RIMBP2: variants seen among roughly 807,000 people sequenced by gnomAD.
The protein encoded by RIMBP2 is RIMS binding protein 2.
In RIMBP2, 48 loss-of-function variants were observed where a neutral mutation model predicts 118.6. The ratio of observed to expected loss-of-function variants is 0.40; its 90% CI spans 0.32 to 0.51. RIMBP2 has a LOEUF of 0.51. Among genes scored for constraint, RIMBP2 ranks in the 20% least tolerant of loss-of-function variants. RIMBP2 has a pLI of 0.41. For missense variants in RIMBP2, 1,551 were observed against 1,768.3 expected (o/e 0.88, Z 2.20); for synonymous variants, 762 against 742.9 (o/e 1.03, Z -0.42).
chr12:130,679,593 G>A (rs1280360388), intron 1 of RIMBP2, among the ~76,000 whole-genome samples: 1 of 152,172 alleles, frequency 6.6e-6, no homozygotes, highest in African/African-American at 2.4e-5. Flanking sequence ...TGCAGGTGCG[G>A]GCGCATTCGC....
chr12:130,613,192 G>A (rs1478320845), intron 2 of RIMBP2, among the ~76,000 whole-genome samples: 3 of 152,248 alleles, frequency 2.0e-5, no homozygotes, highest in Non-Finnish European at 2.9e-5. Context: ...GGGATGGGAC[G>A]GAGGGAGAGT....
chr12:130,696,610 T>C (rs550770726), intron 1 of RIMBP2, among the ~76,000 whole-genome samples: 67 of 152,362 alleles, frequency 4.4e-4, no homozygotes, highest in Admixed American at 2.5e-3. Context: ...AAGCGATCAC[T>C]GTGAACATTG....
intron 2 of RIMBP2, among the ~76,000 whole-genome samples, chr12:130,563,813 G>A (rs564750476): frequency 2.1e-4 from 32 of 152,260 alleles, no homozygotes; most frequent in South Asian, 1.9e-3. Flanking sequence ...CAGCTAGAGC[G>A]ATCCTTTTGA....
intron 1 of RIMBP2, among the ~76,000 whole-genome samples, chr12:130,653,558 T>C (rs980577025): frequency 1.3e-5 from 2 of 152,146 alleles, no homozygotes; most frequent in African/African-American, 4.8e-5. Flanking sequence ...AGGGTGACCC[T>C]CTTCTCACCA....
intron 1 of RIMBP2, among the ~76,000 whole-genome samples, chr12:130,628,896 C>T (rs1000231350): frequency 2.0e-5 from 3 of 152,094 alleles, no homozygotes; most frequent in Non-Finnish European, 1.5e-5. Context: ...GACTGATGCC[C>T]AGCCGATGAC....
chr12:130,456,807 C>T (rs777847020), intron 6 of RIMBP2, 107 bp from the exon 7 acceptor site: 39 of 776,360 alleles, frequency 5.0e-5, no homozygotes, highest in African/African-American at 1.4e-4. Flanking sequence ...ACTGTGTGCA[C>T]GTGTGTACAC....
intron 1 of RIMBP2, among the ~76,000 whole-genome samples, chr12:130,675,947 C>T (rs907819394): frequency 4.6e-5 from 7 of 152,322 alleles, no homozygotes; most frequent in African/African-American, 1.2e-4. Context: ...TAGGACGCCA[C>T]GAGAGCTAGA....
chr12:130,472,878 T>C (rs1566100094), intron 5 of RIMBP2, among the ~76,000 whole-genome samples: 2 of 152,164 alleles, frequency 1.3e-5, no homozygotes, highest in South Asian at 4.1e-4. Flanking sequence ...AATTACACCA[T>C]TCTCAAGTTC....
chr12:130,573,479 A>G (rs2057850978), intron 2 of RIMBP2, among the ~76,000 whole-genome samples: 1 of 151,944 alleles, frequency 6.6e-6, no homozygotes, highest in Non-Finnish European at 1.5e-5. Context: ...TGCAAGTGTG[A>G]GGTGCGTGTG....
chr12:130,479,736 A>G (rs1167033576), intron 4 of RIMBP2, among the ~76,000 whole-genome samples: 1 of 151,976 alleles, frequency 6.6e-6, no homozygotes, highest in Non-Finnish European at 1.5e-5. Flanking sequence ...CCTCTGGGAA[A>G]GTCGCAAGGT....
intron 4 of RIMBP2, among the ~76,000 whole-genome samples, chr12:130,501,004 G>T (rs957739964): frequency 1.3e-5 from 2 of 152,240 alleles, no homozygotes; most frequent in Middle Eastern, 3.4e-3. Flanking sequence ...GCATCCAGGG[G>T]TCACGACACA....
chr12:130,651,844 A>G (rs1252428514), intron 1 of RIMBP2, among the ~76,000 whole-genome samples: 1 of 152,202 alleles, frequency 6.6e-6, no homozygotes, highest in Non-Finnish European at 1.5e-5. Context: ...CCTGTGTCTT[A>G]GCAGTTATCA....
chr12:130,533,354 GAT>G (rs1458640875), intron 2 of RIMBP2, among the ~76,000 whole-genome samples: 3 of 152,172 alleles, frequency 2.0e-5, no homozygotes, highest in Non-Finnish European at 4.4e-5. Context: ...ACCACAATGA[GAT>G]ATCTTCTTAC....
rs755282733 is a variant in RIMBP2, at chr12:130,437,147, C to G, written c.1801G>C (p.Glu601Gln). 78 of 1,583,814 alleles carry G rather than the reference C, an allele frequency of 4.9e-5. No individual in the cohort carries two copies. The South Asian group carries it at 7.9e-4, about 16-fold the overall frequency. ...VDSAVAAVPPELLVPPTPHPR... is the reference protein window; with the variant it reads ...VDSAVAAVPPQLLVPPTPHPR... ...TGGGGGGTAGGAGGCACCAGGAGCT[C>G]GGGGGGAACGGCAGCAACTGCAGAG... Residue 601 changes from glutamate (E) to glutamine (Q), a missense_variant, in exon 13 of 23, where the codon GAG becomes CAG. Coordinates refer to ENST00000690449, the MANE Select transcript of RIMBP2 (RefSeq NM_001393629.1).
chr12:130,424,409 CG>C lies in RIMBP2; in HGVS notation c.2861del (p.Pro954ArgfsTer11), dbSNP rs1593245171. 1 of 1,232,746 alleles carries C rather than the reference CG, an allele frequency of 8.1e-7. No individual in the cohort carries two copies. The highest frequency in any genetic ancestry group is 1.0e-6 in the Non-Finnish European group (1 of 988,212). 76.4% of individuals were successfully genotyped at this position (1,232,746 alleles called of 1,614,324 possible). A position where few individuals can be genotyped will look rare whatever the true frequency, so the allele number is the denominator to read the frequency against. On this transcript the variant is annotated frameshift_variant, in exon 16 of 23. Transcript: ENST00000690449. LOFTEE classifies it high-confidence loss of function. This position sits in a 1 kb window ranked among gnomAD's most constrained non-coding sequence, Gnocchi z 9.8. ...GPGHCPCRRGPRPLLARRRTL... is the reference protein window; with the variant it reads ...GPGHCPCRRGXRPLLARRRTL... ...TCCGCCGCCGGGCCAGCAGCGGCCT[CG>C]GGCCCCTCCTGCAGGGACAGTGACC...
Position 130,469,969 on chromosome 12 carries a change from C to G in RIMBP2, c.153+724G>C, listed in dbSNP as rs1273832435. Among the ~76,000 whole-genome samples, 1 of 152,180 alleles carries G rather than the reference C, an allele frequency of 6.6e-6. No individual in the cohort carries two copies. Among genetic ancestry groups the G allele is most frequent in the Non-Finnish European group, 1.5e-5 (1 of 68,026 alleles). ...AGACAGCAGAGGCCTGAGGGGGACC[C>G]CATAGCCCTCCCTGTCTGCCTGGCT... On this transcript the variant is annotated intron_variant, in intron 6 of 22. Coordinates refer to ENST00000690449, the MANE Select transcript of RIMBP2 (RefSeq NM_001393629.1). This position sits in a 1 kb window ranked among gnomAD's most constrained non-coding sequence, Gnocchi z 4.8.
chr12:130,412,437 C>T (rs534653592), intron 19 of RIMBP2, among the ~76,000 whole-genome samples, 182 bp downstream of exon 19: 1 of 152,300 alleles, frequency 6.6e-6, no homozygotes, highest in East Asian at 1.9e-4. Context: ...CAGGAGACTA[C>T]TGGCAGTCCT....
At chr12:130,639,908 C>G (rs1276766479) in intron 1 of RIMBP2, among the ~76,000 whole-genome samples, 2 of 152,116 alleles carry the variant, frequency 1.3e-5, no homozygotes, top group East Asian at 3.9e-4. Context: ...AAAATAATTC[C>G]AGAGAGCTTA....
chr12:130,412,595 G>A, intron 19 of RIMBP2, 24 bp downstream of exon 19: 1 of 1,605,724 alleles, frequency 6.2e-7, no homozygotes, highest in Non-Finnish European at 8.5e-7. Flanking sequence ...GCACAGGGAA[G>A]GTCGAATAGG....
Sources: gnomAD v4.1 joint callset for allele counts (sites outside exome capture counted in the v4.1 genomes callset) on GRCh38, gnomAD v4.1.1 for gene constraint, Gnocchi (gnomAD v3.1) non-coding constraint, MANE v1.5 for transcripts, NCBI Gene and HGNC (gene_info 2026-07-23, HGNC 2026-07-21) for gene names.